Variants in ADGRL2 observed in about 807,000 individuals in gnomAD.
ADGRL2 encodes adhesion G protein-coupled receptor L2.
A neutral mutation model predicts 157.4 loss-of-function variants in ADGRL2; 44 were observed. The observed-to-expected ratio is 0.28, with a 90% CI of 0.22 to 0.36. The LOEUF is 0.36. ADGRL2 is among the 10% of genes least tolerant of loss of function. ADGRL2 has a pLI of 1.00. For synonymous variants in ADGRL2, 585 were observed against 624.7 expected, an observed-to-expected ratio of 0.94 and a Z score of 0.95; for missense variants, 1,510 against 1,768.9, an observed-to-expected ratio of 0.85 and a Z score of 2.63.
In ADGRL2 at chr1:81,535,987, G is replaced by T. The variant is rs143353133; in HGVS notation, c.-247-44889G>T. 2.6e-5 allele frequency among the ~76,000 whole-genome samples: 4 copies of T among 152,186 alleles called. No homozygotes were observed. The East Asian group carries it at 7.7e-4, about 29-fold the overall frequency. The stretch of plus-strand genomic sequence containing the variant: ...TGCACATACAAACAGTGTAAATAAA[G>T]TCATATTTACACAGATTCAATCATG... On this transcript the variant is annotated intron_variant, in intron 2 of 24. Coordinates refer to the ADGRL2 transcript ENST00000370721.
chr1:81,445,449 A>ATT (rs5775616), intron 2 of ADGRL2, among the ~76,000 whole-genome samples: 6 of 151,950 alleles, frequency 3.9e-5, no homozygotes, highest in African/African-American at 7.3e-5. Flanking sequence ...TAAAGTTGCT[A>ATT]TTTTTGCAAA....
chr1:81,494,901 A>G (rs2147974838), intron 2 of ADGRL2, among the ~76,000 whole-genome samples: 1 of 152,274 alleles, frequency 6.6e-6, no homozygotes, highest in East Asian at 1.9e-4. Context: ...AATAAAATTA[A>G]TTCGCCCATG....
At chr1:81,494,126 C>T (rs954268308) in intron 2 of ADGRL2, among the ~76,000 whole-genome samples, 3 of 152,146 alleles carry the variant, frequency 2.0e-5, no homozygotes, top group Non-Finnish European at 4.4e-5. Flanking sequence ...TTTGCAAACT[C>T]TCTTGCCTAA....
intron 2 of ADGRL2, among the ~76,000 whole-genome samples, chr1:81,846,224 A>G (rs1340597546): frequency 6.6e-6 from 1 of 151,800 alleles, no homozygotes; most frequent in South Asian, 2.1e-4. Context: ...AAAGAATAGA[A>G]GTAAACACTG....
At chr1:81,538,656 G>GGA (rs2079805246) in intron 2 of ADGRL2, among the ~76,000 whole-genome samples, 2 of 152,060 alleles carry the variant, frequency 1.3e-5, no homozygotes, top group Non-Finnish European at 2.9e-5. Context: ...ATTATAGGCA[G>GGA]GATTATTGTA....
chr1:81,577,005 G>A (rs2148520142), intron 2 of ADGRL2, among the ~76,000 whole-genome samples: 1 of 152,200 alleles, frequency 6.6e-6, no homozygotes, highest in Non-Finnish European at 1.5e-5. Context: ...ATCTCTTGAA[G>A]TAGCTTTGCT....
rs147629121 is a variant in ADGRL2, at chr1:81,884,453, A to G, written c.74-22564A>G. On this transcript the variant is annotated intron_variant, in intron 2 of 23. Coordinates refer to ENST00000686636, the MANE Select transcript of ADGRL2 (RefSeq NM_001366006.2). ...CCAGACTTTCTGCTCTGTTGTTCCA[A>G]AATTGGACAATTTCCTGCCTGGTAT... 7.0e-3 allele frequency among the ~76,000 whole-genome samples: 1,065 copies of G among 152,302 alleles called. 15 individuals are homozygous for G. Among genetic ancestry groups the G allele is most frequent in the African/African-American group, 0.024 (1,006 of 41,572 alleles).
rs549403550 is a variant in ADGRL2, at chr1:81,316,619, G to A, written c.-302+10110G>A. 1.3e-4 allele frequency among the ~76,000 whole-genome samples: 20 copies of A among 152,194 alleles called. No homozygotes were observed. The South Asian group carries it at 2.1e-3, about 16-fold the overall frequency. On this transcript the variant is annotated intron_variant, in intron 1 of 24. Coordinates refer to the ADGRL2 transcript ENST00000370721. ...GAATTTATACACTAACATGGTATAC[G>A]CAAGGTTGATTCAACTCCTATTTCT...
intron 1 of ADGRL2, among the ~76,000 whole-genome samples, chr1:81,395,618 G>T (rs1175653069): frequency 6.6e-6 from 1 of 152,064 alleles, no homozygotes; most frequent in African/African-American, 2.4e-5. Context: ...TCTTTGTCCA[G>T]GCCAATGTCC....
At chr1:81,898,122 CAAAA>C (rs1156437396) in intron 2 of ADGRL2, among the ~76,000 whole-genome samples, 2 of 151,876 alleles carry the variant, frequency 1.3e-5, no homozygotes, top group Non-Finnish European at 2.9e-5. Context: ...AGCAGACAAA[CAAAA>C]AAACAGCTTC....
At chr1:81,599,663 A>G (rs1357565552) in intron 3 of ADGRL2, among the ~76,000 whole-genome samples, 2 of 152,186 alleles carry the variant, frequency 1.3e-5, no homozygotes, top group South Asian at 4.1e-4. Flanking sequence ...ATACAGTTTA[A>G]TTTTTTTTAA....
At chr1:81,722,776 C>T (rs927148470) in intron 1 of ADGRL2, 2 of 773,224 alleles carry the variant, frequency 2.6e-6, no homozygotes, top group South Asian at 2.8e-5. Context: ...TGAGAGAGCC[C>T]GGAGGGAGGA....
chr1:81,555,518 T>C (rs1185206597), intron 2 of ADGRL2, among the ~76,000 whole-genome samples: 1 of 152,058 alleles, frequency 6.6e-6, no homozygotes, highest in East Asian at 1.9e-4. Flanking sequence ...ATTCACCTGC[T>C]TTGGCCTCCC....
chr1:81,657,239 C>T (rs992960000), intron 3 of ADGRL2, among the ~76,000 whole-genome samples: 2 of 152,000 alleles, frequency 1.3e-5, no homozygotes, highest in East Asian at 1.9e-4. Flanking sequence ...AAAGGGGAGA[C>T]CTCATGAATG....
At chr1:81,570,216 T>C (rs909723772) in intron 2 of ADGRL2, among the ~76,000 whole-genome samples, 1 of 152,212 alleles carries the variant, frequency 6.6e-6, no homozygotes, top group African/African-American at 2.4e-5. Flanking sequence ...TTGGACCATC[T>C]TGGAACCTGG....
intron 2 of ADGRL2, among the ~76,000 whole-genome samples, chr1:81,535,479 G>A (rs1557437430): frequency 6.6e-6 from 1 of 152,092 alleles, no homozygotes; most frequent in Non-Finnish European, 1.5e-5. Context: ...TCTCTGAATG[G>A]TAAAGGTTTA....
At chr1:81,408,921 T>C (rs2076903185) in intron 1 of ADGRL2, among the ~76,000 whole-genome samples, 1 of 152,228 alleles carries the variant, frequency 6.6e-6, no homozygotes, top group African/African-American at 2.4e-5. Flanking sequence ...TCTATTTCTT[T>C]GGATCAAATA....
At chr1:81,521,471 C>T (rs1303708947) in intron 2 of ADGRL2, among the ~76,000 whole-genome samples, 2 of 151,996 alleles carry the variant, frequency 1.3e-5, no homozygotes, top group Admixed American at 6.6e-5. Flanking sequence ...CTACTTTTCT[C>T]TATTCTTAAG....
At chr1:81,907,252 T>C (rs2094601985) in intron 3 of ADGRL2, 22 bp downstream of exon 3, 3 of 1,586,380 alleles carry the variant, frequency 1.9e-6, no homozygotes, top group African/African-American at 1.3e-5. Context: ...TGTGTTAATG[T>C]CCCATTTGAG....
Sources: allele counts gnomAD v4.1 joint callset (sites outside exome capture counted in the v4.1 genomes callset), GRCh38; gene constraint gnomAD v4.1.1; transcripts MANE v1.5; gene names NCBI Gene and HGNC (gene_info 2026-07-23, HGNC 2026-07-21).